MCCC2: variants seen among roughly 807,000 people sequenced by gnomAD.
MCCC2 encodes the protein methylcrotonoyl-CoA carboxylase beta chain, mitochondrial.
In MCCC2, 52 loss-of-function variants were observed where a neutral mutation model predicts 77.2. The ratio of observed to expected loss-of-function variants is 0.67; its 90% CI spans 0.54 to 0.85. The LOEUF is 0.85. MCCC2 is among the 40% of genes least tolerant of loss of function. The pLI is 0.00. For missense variants in MCCC2, 682 were observed against 703.2 expected (o/e 0.97, Z 0.34); for synonymous variants, 253 against 248.4 (o/e 1.02, Z -0.18).
At chr5:71,643,594 T>C (rs894248780) in intron 11 of MCCC2, among the ~76,000 whole-genome samples, 1 of 152,188 alleles carries the variant, frequency 6.6e-6, no homozygotes. Flanking sequence ...GACAAATGGA[T>C]AACTCTACAT....
chr5:71,605,043 C>T lies in MCCC2; in HGVS notation c.624+575C>T, dbSNP rs758169052. 4.1e-3 allele frequency among the ~76,000 whole-genome samples: 362 copies of T among 88,236 alleles called. 5 individuals are homozygous for T. Among genetic ancestry groups the T allele is most frequent in the African/African-American group, 0.013 (348 of 27,360 alleles). 57.9% of individuals were successfully genotyped at this position (88,236 alleles called of 152,430 possible). A position where few individuals can be genotyped will look rare whatever the true frequency, so the allele number is the denominator to read the frequency against. On this transcript the variant is annotated intron_variant, in intron 6 of 16. Transcript: ENST00000340941. Reference sequence around the variant, plus strand: ...TGTGAATAATGCCGCAATAAACATACGTGTGCATGTGTCTTTATAGCAGCA... The same window carrying T: ...TGTGAATAATGCCGCAATAAACATATGTGTGCATGTGTCTTTATAGCAGCA...
chr5:71,592,958 T>C lies in MCCC2; in HGVS notation c.162T>C (p.Asn54=), dbSNP rs774812912. The change falls in exon 2 of 17, where the codon AAT becomes AAC. Residue 54 remains asparagine (N), a synonymous_variant. Coordinates refer to ENST00000340941, the MANE Select transcript of MCCC2 (RefSeq NM_022132.5). The stretch of plus-strand genomic sequence containing the variant: ...ACAAGCAGATGAAAGCACTAGTAAA[T>C]CAGCTCCATGAACGAGTGGAGCATA... ...ENYKQMKALV[N]QLHERVEHIK... 35 of 1,613,232 alleles carry C rather than the reference T, an allele frequency of 2.2e-5. No individual in the cohort carries two copies. In the East Asian group the frequency reaches 7.6e-4, roughly 35 times the overall value.
chr5:71,624,520 G>A (rs1412785982), intron 6 of MCCC2, among the ~76,000 whole-genome samples: 1 of 151,762 alleles, frequency 6.6e-6, no homozygotes, highest in Non-Finnish European at 1.5e-5. Context: ...TGCGATTACA[G>A]GCATGCACCA....
At chr5:71,623,732 G>A (rs894450560) in intron 6 of MCCC2, among the ~76,000 whole-genome samples, 17 of 152,270 alleles carry the variant, frequency 1.1e-4, no homozygotes, top group Middle Eastern at 3.4e-3. Flanking sequence ...TAAAAGCCTG[G>A]TTACCAGAAT....
rs1580261828 is a variant in MCCC2 at position 71,587,366 on chromosome 5, C to T, written c.-60C>T. 1 of 1,519,806 alleles carries T rather than the reference C, an allele frequency of 6.6e-7. No individual in the cohort carries two copies. The highest frequency in any genetic ancestry group is 2.5e-5 in the East Asian group (1 of 40,452). 94.1% of individuals were successfully genotyped at this position (1,519,806 alleles called of 1,614,324 possible). On this transcript the variant is annotated 5_prime_UTR_variant, in exon 1 of 17. Coordinates refer to ENST00000340941, the MANE Select transcript of MCCC2 (RefSeq NM_022132.5). ...GCTTCCGCCCCAGCCAGGGAAGCGG[C>T]AGGGGAAAGCACCGGCTCCAGGCCA...
At chr5:71,609,076 G>C (rs1745808241) in intron 6 of MCCC2, among the ~76,000 whole-genome samples, 4 of 152,082 alleles carry the variant, frequency 2.6e-5, no homozygotes, top group Non-Finnish European at 5.9e-5. Context: ...GAGTATCTTT[G>C]TGGTGTTCTG....
At chr5:71,592,804 G>T (rs1745030598) in intron 1 of MCCC2, 122 bp from the exon 2 acceptor site, 1 of 781,450 alleles carries the variant, frequency 1.3e-6, no homozygotes, top group East Asian at 2.7e-5. Flanking sequence ...GGGTGGCCCA[G>T]TGTGGCGGCC....
At chr5:71,627,196 T>C (rs1378524304) in intron 7 of MCCC2, among the ~76,000 whole-genome samples, 1 of 152,240 alleles carries the variant, frequency 6.6e-6, no homozygotes, top group East Asian at 1.9e-4. Context: ...GGCTAAATAA[T>C]GTTCCATTGT....
rs1580291341 is a variant in MCCC2, at chr5:71,609,473, A to G, written c.624+5005A>G. Among the ~76,000 whole-genome samples, 3 of 148,000 alleles carry G rather than the reference A, an allele frequency of 2.0e-5. No individual in the cohort carries two copies. The East Asian group carries it at 6.0e-4, about 30-fold the overall frequency. On this transcript the variant is annotated intron_variant, in intron 6 of 16. Coordinates refer to ENST00000340941, the MANE Select transcript of MCCC2 (RefSeq NM_022132.5). Reference sequence around the variant, plus strand: ...TTATTCTAGTTATACATTCTTCTAAATTTTTTTCAAAGTTTTCAACTTCTT... The same window carrying G: ...TTATTCTAGTTATACATTCTTCTAAGTTTTTTTCAAAGTTTTCAACTTCTT...
chr5:71,631,002 G>T (rs549304076), intron 7 of MCCC2, among the ~76,000 whole-genome samples: 14 of 152,072 alleles, frequency 9.2e-5, no homozygotes, highest in African/African-American at 3.4e-4. Flanking sequence ...GAATTTCTCT[G>T]GCTATAATTA....
chr5:71,587,412 C>G lies in MCCC2; in HGVS notation c.-14C>G, dbSNP rs866955568. The G allele has an allele frequency of 1.0e-5, 16 of 1,533,044 alleles. No individual in the cohort carries two copies. In the African/African-American group the frequency reaches 1.1e-4, roughly 11 times the overall value. 95.0% of individuals were successfully genotyped at this position (1,533,044 alleles called of 1,614,324 possible). A position where few individuals can be genotyped will look rare whatever the true frequency, so the allele number is the denominator to read the frequency against. ...GGCCAGCGTGGGCCGCTCTCTCGCTCGGTGCCCGCCGCCATGTGGGCCGTC... is the reference window on the plus strand; with the variant it reads ...GGCCAGCGTGGGCCGCTCTCTCGCTGGGTGCCCGCCGCCATGTGGGCCGTC... On this transcript the variant is annotated 5_prime_UTR_variant, in exon 1 of 17. Transcript: ENST00000340941.
At chr5:71,632,079 C>G in intron 7 of MCCC2, 42 bp from the exon 8 acceptor site, 1 of 1,583,482 alleles carries the variant, frequency 6.3e-7, no homozygotes, top group Non-Finnish European at 8.7e-7. Context: ...TTTTATATGT[C>G]TGATGGACCG....
chr5:71,643,810 T>C lies in MCCC2; in HGVS notation c.1073-9T>C, dbSNP rs769826125. 5 of 1,614,144 alleles carry C rather than the reference T, an allele frequency of 3.1e-6. No individual in the cohort carries two copies. The highest frequency in any genetic ancestry group is 4.2e-6 in the Non-Finnish European group (5 of 1,180,018). ...CAAGACATAAATCTTCTTTGAACTTTCTTTTGAGGATTTGCTCGAATATTT... is the reference window on the plus strand; with the variant it reads ...CAAGACATAAATCTTCTTTGAACTTCCTTTTGAGGATTTGCTCGAATATTT... On this transcript the variant is annotated splice_polypyrimidine_tract_variant and intron_variant, in intron 11 of 16. Coordinates refer to ENST00000340941, the MANE Select transcript of MCCC2 (RefSeq NM_022132.5).
intron 7 of MCCC2, among the ~76,000 whole-genome samples, chr5:71,629,735 C>CATTATTATTATTATT (rs3066461): frequency 2.3e-4 from 34 of 147,976 alleles, no homozygotes; most frequent in African/African-American, 7.4e-4. Flanking sequence ...AGCCTGCAGC[C>CATTATTATTATTATT]ATTATTATTA....
chr5:71,620,425 CT>C (rs1452839646), intron 6 of MCCC2, among the ~76,000 whole-genome samples: 2 of 151,998 alleles, frequency 1.3e-5, no homozygotes, highest in African/African-American at 2.4e-5. Flanking sequence ...GCAGTTGGAC[CT>C]TTTTTCTCCC....
At chr5:71,593,741 T>C (rs1310232178) in intron 2 of MCCC2, among the ~76,000 whole-genome samples, 2 of 152,146 alleles carry the variant, frequency 1.3e-5, no homozygotes, top group Non-Finnish European at 2.9e-5. Context: ...GAATCTCAGA[T>C]GGAAAGCATT....
At chr5:71,590,572 T>C (rs1003964210) in intron 1 of MCCC2, among the ~76,000 whole-genome samples, 16 of 152,198 alleles carry the variant, frequency 1.1e-4, no homozygotes, top group African/African-American at 3.4e-4. Flanking sequence ...ATCCTAGCGC[T>C]TTGGGAGGCC....
chr5:71,598,440 A>T (rs931059622), intron 3 of MCCC2, among the ~76,000 whole-genome samples: 1 of 150,374 alleles, frequency 6.7e-6, no homozygotes, highest in African/African-American at 2.4e-5. Flanking sequence ...TAATTAATTA[A>T]TTAATTATTT....
At position 71,650,680 on chromosome 5, in the gene MCCC2, G is replaced by A. The variant is rs190202928; in HGVS notation, c.1488+497G>A. ...TTATTTATTTTTGAGACAGAGTCTC[G>A]CTTTGTCGCCCAGGCTGGTGTGCAG... On this transcript the variant is annotated intron_variant, in intron 15 of 16. Coordinates refer to ENST00000340941, the MANE Select transcript of MCCC2 (RefSeq NM_022132.5). 2.5e-3 allele frequency among the ~76,000 whole-genome samples: 375 copies of A among 151,860 alleles called. 3 individuals are homozygous for A. The highest frequency in any genetic ancestry group is 8.5e-3 in the African/African-American group (353 of 41,420).
Sources: allele counts gnomAD v4.1 joint callset (sites outside exome capture counted in the v4.1 genomes callset), GRCh38; gene constraint gnomAD v4.1.1; transcripts MANE v1.5; gene names NCBI Gene and HGNC (gene_info 2026-07-23, HGNC 2026-07-21).